Variants in SPAG17 observed in about 807,000 individuals in gnomAD.
SPAG17 encodes sperm associated antigen 17.
A neutral mutation model predicts 273.6 loss-of-function variants in SPAG17; 169 were observed. The observed-to-expected ratio is 0.62, with a 90% confidence interval of 0.55 to 0.70. The LOEUF is 0.70. SPAG17 is among the 30% of genes least tolerant of loss of function. SPAG17 has a pLI of 0.00. For missense variants in SPAG17, 2,557 were observed against 2,627.8 expected (o/e 0.97, Z 0.59); for synonymous variants, 825 against 873.2 (o/e 0.94, Z 0.97).
intron 19 of SPAG17, among the ~76,000 whole-genome samples, chr1:118,055,225 C>T (rs1271269464): frequency 1.3e-5 from 2 of 152,078 alleles, no homozygotes; most frequent in East Asian, 3.9e-4. Flanking sequence ...CCTGTCAAGT[C>T]CCTGCCAGAG....
At chr1:118,088,881 A>T (rs2102178866) in intron 10 of SPAG17, among the ~76,000 whole-genome samples, 1 of 152,280 alleles carries the variant, frequency 6.6e-6, no homozygotes, top group African/African-American at 2.4e-5. Flanking sequence ...AGGTAAATCG[A>T]TAGGAAAAAT....
chr1:118,104,802 A>C (rs1487807824), intron 4 of SPAG17, among the ~76,000 whole-genome samples: 1 of 152,226 alleles, frequency 6.6e-6, no homozygotes, highest in Non-Finnish European at 1.5e-5. Flanking sequence ...GGGCAGTATC[A>C]ATAGAGAAAC....
chr1:118,155,148 C>T (rs1304022538), intron 1 of SPAG17, among the ~76,000 whole-genome samples: 1 of 152,090 alleles, frequency 6.6e-6, no homozygotes, highest in African/African-American at 2.4e-5. Flanking sequence ...TGTATGGACA[C>T]AATCCATTTC....
intron 1 of SPAG17, among the ~76,000 whole-genome samples, chr1:118,153,136 CTTA>C (rs1257028055): frequency 6.6e-6 from 1 of 152,176 alleles, no homozygotes; most frequent in Non-Finnish European, 1.5e-5. Flanking sequence ...TACCCATCTA[CTTA>C]TTAGTATTTG....
intron 28 of SPAG17, among the ~76,000 whole-genome samples, chr1:118,018,710 T>C (rs961578006): frequency 8.6e-5 from 13 of 150,544 alleles, no homozygotes; most frequent in Non-Finnish European, 1.5e-4. Context: ...GGTGCATGCC[T>C]GTTGCATGGT....
intron 48 of SPAG17, chr1:117,959,231 C>G: frequency 6.4e-7 from 1 of 1,556,872 alleles, no homozygotes; most frequent in Non-Finnish European, 8.7e-7. Context: ...AACTCTCATA[C>G]GCTGCTATAA....
chr1:118,012,177 T>G (rs1317637936), intron 30 of SPAG17, 51 bp downstream of exon 30: 1 of 1,560,814 alleles, frequency 6.4e-7, no homozygotes, highest in Non-Finnish European at 8.8e-7. Context: ...CTATCTAACT[T>G]ACGCTAAAGA....
intron 43 of SPAG17, among the ~76,000 whole-genome samples, chr1:117,975,221 G>C (rs527626459): frequency 2.0e-5 from 3 of 152,148 alleles, no homozygotes; most frequent in African/African-American, 7.2e-5. Flanking sequence ...AGGCAGGGGG[G>C]ATGTGGAGAG....
At chr1:118,073,203 T>C (rs921856355) in intron 17 of SPAG17, among the ~76,000 whole-genome samples, 11 of 152,240 alleles carry the variant, frequency 7.2e-5, no homozygotes, top group African/African-American at 2.7e-4. Context: ...CTTGTTATTT[T>C]GCTGAGTGGT....
At chr1:118,174,331 C>T (rs1223978461) in intron 1 of SPAG17, among the ~76,000 whole-genome samples, 1 of 151,966 alleles carries the variant, frequency 6.6e-6, no homozygotes, top group East Asian at 1.9e-4. Context: ...AATAACTAAA[C>T]TGGAAATTTC....
intron 48 of SPAG17, chr1:117,959,906 A>C (rs1447170105): frequency 6.5e-6 from 1 of 152,760 alleles, no homozygotes; most frequent in African/African-American, 2.4e-5. Context: ...ATAAAAATGC[A>C]GTGTCATGGA....
intron 4 of SPAG17, among the ~76,000 whole-genome samples, chr1:118,114,314 G>C (rs1242813405): frequency 6.6e-6 from 1 of 151,998 alleles, no homozygotes; most frequent in African/African-American, 2.4e-5. Context: ...ATGCTATATG[G>C]GAAATATCTC....
intron 18 of SPAG17, among the ~76,000 whole-genome samples, chr1:118,064,643 G>A (rs956265359): frequency 1.1e-4 from 16 of 148,272 alleles, no homozygotes; most frequent in African/African-American, 2.7e-4. Context: ...GCTAAATGAC[G>A]AGTTAATGGG....
chr1:118,029,258 T>A (rs2101872147), intron 25 of SPAG17, among the ~76,000 whole-genome samples: 1 of 152,134 alleles, frequency 6.6e-6, no homozygotes, highest in East Asian at 1.9e-4. Flanking sequence ...TAAAATAAAA[T>A]AAGAGAAACA....
chr1:118,085,529 T>TGC lies in SPAG17; in HGVS notation c.1762+391_1762+392dup, dbSNP rs556468067. The stretch of plus-strand genomic sequence containing the variant: ...GCGTGCATGCGTGCGTGCATACGCG[T>TGC]GCGCGCGCGCACACACACACACACA... On this transcript the variant is annotated intron_variant, in intron 13 of 48. Transcript: ENST00000336338. 4.6e-3 allele frequency among the ~76,000 whole-genome samples: 703 copies of TGC among 151,684 alleles called. 7 individuals are homozygous for TGC. The highest frequency in any genetic ancestry group is 0.016 in the African/African-American group (658 of 41,282).
intron 3 of SPAG17, among the ~76,000 whole-genome samples, chr1:118,120,838 A>G (rs1330487309): frequency 6.6e-6 from 1 of 152,164 alleles, no homozygotes. Flanking sequence ...AATAGAAAAT[A>G]TTTAACTTGG....
At chr1:118,161,101 G>A (rs950731817) in intron 1 of SPAG17, among the ~76,000 whole-genome samples, 1 of 152,192 alleles carries the variant, frequency 6.6e-6, no homozygotes, top group Non-Finnish European at 1.5e-5. Flanking sequence ...CAAACTAAGG[G>A]ATACACAAAA....
At chr1:117,965,910 G>A (rs933995799) in intron 47 of SPAG17, 1 of 152,106 alleles carries the variant, frequency 6.6e-6, no homozygotes, top group African/African-American at 2.4e-5. Flanking sequence ...CCAAACACCT[G>A]GAGCTTTCCT....
chr1:118,031,673 T>G lies in SPAG17; in HGVS notation c.3609+19A>C, dbSNP rs181366181. ...GAAGCAGAAACAGAGTTTGGGAATC[T>G]ATGGCAAGGTTCATTTACCTTTTTC... is the stretch of plus-strand genomic sequence containing the variant. On this transcript the variant is annotated intron_variant, in intron 25 of 48. Transcript: ENST00000336338. 1 of 1,610,344 alleles carries G rather than the reference T, an allele frequency of 6.2e-7. No individual in the cohort carries two copies.
Sources: allele counts gnomAD v4.1 joint callset (sites outside exome capture counted in the v4.1 genomes callset), GRCh38; gene constraint gnomAD v4.1.1; transcripts MANE v1.5; gene names NCBI Gene and HGNC (gene_info 2026-07-23, HGNC 2026-07-21).